The following UGGT2 variants were observed in gnomAD, a reference collection of about 807,000 sequenced individuals.
The protein encoded by UGGT2 is UDP-glucose glycoprotein glucosyltransferase 2, also known as UDP-glucose:glycoprotein glucosyltransferase 2.
UGGT2 carries 180 observed loss-of-function variants against 192.1 expected under a neutral mutation model. That is an observed-to-expected ratio of 0.94 (90% CI 0.83 to 1.06). The LOEUF is 1.06. Among genes scored for constraint, UGGT2 ranks in the 50% least tolerant of loss-of-function variants. The pLI is 0.00. For missense variants in UGGT2, 1,849 were observed against 1,795.7 expected (o/e 1.03, Z -0.54); for synonymous variants, 580 against 591.0 (o/e 0.98, Z 0.27).
chr13:95,886,407 C>T (rs553613990), intron 26 of UGGT2, among the ~76,000 whole-genome samples: 11 of 152,200 alleles, frequency 7.2e-5, no homozygotes, highest in Middle Eastern at 3.4e-3. Context: ...CAATTCTTTC[C>T]CTCCCAGTAG....
At chr13:96,004,116 T>C (rs1278059942) in intron 5 of UGGT2, among the ~76,000 whole-genome samples, 1 of 151,328 alleles carries the variant, frequency 6.6e-6, no homozygotes, top group Non-Finnish European at 1.5e-5. Flanking sequence ...GGATTCCCCA[T>C]GTAAGCAGCA....
intron 1 of UGGT2, among the ~76,000 whole-genome samples, chr13:96,044,941 T>C (rs889850725): frequency 3.3e-5 from 5 of 152,078 alleles, no homozygotes; most frequent in African/African-American, 7.2e-5. Flanking sequence ...ACGAATCCTA[T>C]TGACACTATT....
chr13:95,859,910 A>C (rs1889997087), intron 32 of UGGT2: 3 of 344,614 alleles, frequency 8.7e-6, no homozygotes, highest in Non-Finnish European at 1.6e-5. Context: ...AATAAACTAA[A>C]ATATGGTTTA....
At position 95,882,718 on chromosome 13, in the gene UGGT2, G is replaced by T. The variant is rs113517110; in HGVS notation, c.3228+1773C>A. On this transcript the variant is annotated intron_variant, in intron 27 of 38. Coordinates refer to ENST00000376747, the MANE Select transcript of UGGT2 (RefSeq NM_020121.4). ...AACAACTTCTAAAAAGACGCTATTA[G>T]ATTTGACACTCACTACAAAAAAAAG... is the stretch of plus-strand genomic sequence containing the variant. Among the ~76,000 whole-genome samples the T allele has an allele frequency of 9.1e-4, 138 of 152,288 alleles. 2 individuals are homozygous for T. The highest frequency in any genetic ancestry group is 1.8e-3 in the Non-Finnish European group (125 of 68,030).
At chr13:95,948,149 T>G (rs540416060) in intron 13 of UGGT2, 68 bp from the exon 14 acceptor site, 22 of 1,325,644 alleles carry the variant, frequency 1.7e-5, no homozygotes, top group Admixed American at 2.2e-5. Flanking sequence ...AAGTTTAGAC[T>G]AATTTTTGTG....
In UGGT2 at chr13:95,914,612, T is replaced by TAAAA. The variant is rs146990164; in HGVS notation, c.2295+11064_2295+11067dup. On this transcript the variant is annotated intron_variant, in intron 20 of 38. Transcript: ENST00000376747. ...CATTATGGTGAAACTCCATCTCTAC[T>TAAAA]AAAAAAAAAAAAAAAAAAAAAAAAA... Among the ~76,000 whole-genome samples, 49 of 80,994 alleles carry TAAAA rather than the reference T, an allele frequency of 6.0e-4. 3 individuals are homozygous for TAAAA. Among genetic ancestry groups the TAAAA allele is most frequent in the African/African-American group, 1.8e-3 (35 of 19,968 alleles). 53.1% of individuals were successfully genotyped at this position (80,994 alleles called of 152,430 possible).
chr13:95,973,670 A>G (rs1014135952), intron 10 of UGGT2, among the ~76,000 whole-genome samples: 9 of 152,206 alleles, frequency 5.9e-5, no homozygotes, highest in African/African-American at 2.2e-4. Context: ...TCTTGTCACT[A>G]AAGCAAAGTA....
At chr13:95,935,537 C>T (rs368503946) in intron 17 of UGGT2, among the ~76,000 whole-genome samples, 3 of 152,234 alleles carry the variant, frequency 2.0e-5, no homozygotes, top group East Asian at 3.9e-4. Flanking sequence ...TGTGATCTGC[C>T]TTTTTTCTCT....
intron 38 of UGGT2, among the ~76,000 whole-genome samples, chr13:95,822,108 G>A (rs921840976): frequency 6.6e-6 from 1 of 151,992 alleles, no homozygotes; most frequent in Non-Finnish European, 1.5e-5. Context: ...AAAATGATAG[G>A]GTATTTGGAT....
chr13:95,894,544 A>C lies in UGGT2; in HGVS notation c.2855+18T>G. 6.3e-7 allele frequency: 1 copy of C among 1,593,574 alleles called. No homozygotes were observed. The highest frequency in any genetic ancestry group is 8.6e-7 in the Non-Finnish European group (1 of 1,166,866). Reference sequence around the variant, plus strand: ...GCATTAACAGAAAAATCACAAACAAATACGAATACATTCTTACCTGTGATT... The same window carrying C: ...GCATTAACAGAAAAATCACAAACAACTACGAATACATTCTTACCTGTGATT... On this transcript the variant is annotated intron_variant, in intron 24 of 38. Transcript: ENST00000376747.
chr13:95,952,100 T>C (rs1594421859), intron 12 of UGGT2, among the ~76,000 whole-genome samples: 1 of 151,854 alleles, frequency 6.6e-6, no homozygotes, highest in Admixed American at 6.6e-5. Flanking sequence ...GGACAACATA[T>C]TGATTGGCAA....
intron 36 of UGGT2, among the ~76,000 whole-genome samples, chr13:95,839,472 A>C (rs138781630): frequency 6.6e-6 from 1 of 152,274 alleles, no homozygotes; most frequent in African/African-American, 2.4e-5. Context: ...TCAGTACTTC[A>C]ATCCTTTTTA....
chr13:95,914,672 C>T (rs370488143), intron 20 of UGGT2, among the ~76,000 whole-genome samples: 19 of 143,492 alleles, frequency 1.3e-4, no homozygotes, highest in African/African-American at 3.4e-4. Context: ...TGGTGATGCA[C>T]GCCTGTAATC....
intron 16 of UGGT2, among the ~76,000 whole-genome samples, chr13:95,938,022 G>A (rs2049524363): frequency 6.6e-6 from 1 of 152,164 alleles, no homozygotes. Flanking sequence ...CATGAGATCT[G>A]CTGGTTTTAT....
chr13:95,876,618 A>C (rs962118043), intron 29 of UGGT2, among the ~76,000 whole-genome samples: 2 of 152,190 alleles, frequency 1.3e-5, no homozygotes, highest in Non-Finnish European at 2.9e-5. Flanking sequence ...CCAAGGGGGT[A>C]TCTCTCCAGC....
At chr13:95,939,829 T>C (rs1190688389) in intron 16 of UGGT2, 128 bp downstream of exon 16, 7 of 711,920 alleles carry the variant, frequency 9.8e-6, no homozygotes, top group Non-Finnish European at 1.5e-5. Flanking sequence ...CCCCAGCCTC[T>C]GGTAACCCCC....
In UGGT2 at chr13:95,865,531, G is replaced by C. The variant is rs530315977; in HGVS notation, c.3558+1808C>G. ...ACATAAAAATTAGCCAGGCATGGTAGCACATGCCTGTGGTCCCAGTTACTC... is the reference window on the plus strand; with the variant it reads ...ACATAAAAATTAGCCAGGCATGGTACCACATGCCTGTGGTCCCAGTTACTC... On this transcript the variant is annotated intron_variant, in intron 30 of 38. Transcript: ENST00000376747. Among the ~76,000 whole-genome samples the C allele has an allele frequency of 2.2e-4, 34 of 152,282 alleles. 1 individual carries two copies. Among genetic ancestry groups the C allele is most frequent in the Admixed American group, 3.3e-4 (5 of 15,298 alleles).
At chr13:95,883,837 CT>C (rs1594228308) in intron 27 of UGGT2, among the ~76,000 whole-genome samples, 1 of 152,080 alleles carries the variant, frequency 6.6e-6, no homozygotes, top group East Asian at 1.9e-4. Flanking sequence ...TTCTGAATTC[CT>C]TTTCTCATTC....
Position 95,817,598 on chromosome 13 carries a change from G to A in UGGT2, c.4528+15329C>T, listed in dbSNP as rs1168912391. Among the ~76,000 whole-genome samples, 6 of 151,646 alleles carry A rather than the reference G, an allele frequency of 4.0e-5. 1 individual carries two copies. In the East Asian group the frequency reaches 1.2e-3, roughly 29 times the overall value. On this transcript the variant is annotated intron_variant, in intron 38 of 38. Transcript: ENST00000376747. Reference sequence around the variant, plus strand: ...CCTGTCTCTAAAACACAAAAACATTGGAAGGAAAAAAACCACAATGTAAGT... The same window carrying A: ...CCTGTCTCTAAAACACAAAAACATTAGAAGGAAAAAAACCACAATGTAAGT...
Sources: allele counts gnomAD v4.1 joint callset (sites outside exome capture counted in the v4.1 genomes callset), GRCh38; gene constraint gnomAD v4.1.1; transcripts MANE v1.5; gene names NCBI Gene and HGNC (gene_info 2026-07-23, HGNC 2026-07-21).